The following AHDC1 variants were observed in gnomAD, a reference collection of about 807,000 sequenced individuals.
The protein encoded by AHDC1 is transcription factor Gibbin.
A neutral mutation model predicts 87.9 loss-of-function variants in AHDC1; 7 were observed. That is an observed-to-expected ratio of 0.08 (90% CI 0.05 to 0.15). The LOEUF (loss-of-function observed/expected upper bound fraction) is 0.15, where lower values mean the gene tolerates loss of function less well. Ranked by LOEUF, AHDC1 falls within the 10% of genes least tolerant of loss-of-function variation. AHDC1 has a pLI of 1.00. For missense variants in AHDC1, 1,841 were observed against 2,253.2 expected, an observed-to-expected ratio of 0.82 and a Z score of 3.70; for synonymous variants, 1,051 against 1,006.8, an observed-to-expected ratio of 1.04 and a Z score of -0.83.
chr1:27,534,248 G>GTTTTTTTTTTTTGTTTTTTTTTTT lies in AHDC1; in HGVS notation c.*711_*712insAAAAAAAAAAACAAAAAAAAAAAA, dbSNP rs1203744221. 8.8e-6 allele frequency: 1 copy of GTTTTTTTTTTTTGTTTTTTTTTTT among 113,664 alleles called. No individual in the cohort carries two copies. The highest frequency in any genetic ancestry group is 1.9e-5 in the Non-Finnish European group (1 of 52,598). 7.0% of individuals were successfully genotyped at this position (113,664 alleles called of 1,614,324 possible). ...CCCCCTTTCACAAGACACAAGGTTGGTTTTTTTTTTTTGTTTTTTTTTTGT... is the reference window on the plus strand; with the variant it reads ...CCCCCTTTCACAAGACACAAGGTTGGTTTTTTTTTTTTGTTTTTTTTTTTTTTTTTTTTTTTGTTTTTTTTTTGT... On this transcript the variant is annotated 3_prime_UTR_variant, in exon 9 of 9. Coordinates refer to ENST00000673934, the MANE Select transcript of AHDC1 (RefSeq NM_001371928.1).
chr1:27,569,348 T>C (rs2020469293), intron 3 of AHDC1, among the ~76,000 whole-genome samples: 1 of 152,146 alleles, frequency 6.6e-6, no homozygotes, highest in Admixed American at 6.5e-5. Context: ...CTATTAGTCT[T>C]ATTTTGTAGA....
At position 27,565,024 on chromosome 1, in the gene AHDC1, G is replaced by A. The variant is rs922683813; in HGVS notation, c.-628-6141C>T. 6.6e-6 allele frequency among the ~76,000 whole-genome samples: 1 copy of A among 152,216 alleles called. No homozygotes were observed. The highest frequency in any genetic ancestry group is 2.4e-5 in the African/African-American group (1 of 41,472). On this transcript the variant is annotated intron_variant, in intron 3 of 8. Transcript: ENST00000673934. The surrounding 1 kb of genome is among the most constrained non-coding windows in gnomAD (Gnocchi z 4.6). The stretch of plus-strand genomic sequence containing the variant: ...AGCAGAGTCCCCCTAGCCCCTGGGG[G>A]TGGCTGGAGCTGGGGGGCCCTGGGG...
At chr1:27,541,510 G>C (rs958234652) in intron 8 of AHDC1, among the ~76,000 whole-genome samples, 1 of 151,856 alleles carries the variant, frequency 6.6e-6, no homozygotes, top group Non-Finnish European at 1.5e-5. Flanking sequence ...GTAGAGACAG[G>C]GTTTCACCAT....
intron 3 of AHDC1, among the ~76,000 whole-genome samples, chr1:27,571,526 C>G (rs1168121559): frequency 6.6e-6 from 1 of 152,086 alleles, no homozygotes; most frequent in Non-Finnish European, 1.5e-5. Context: ...GCCCTCCCCC[C>G]AGGCTCTGGA....
In AHDC1 at chr1:27,598,696, T is replaced by A. The variant is rs781521490; in HGVS notation, c.-629+4701A>T. On this transcript the variant is annotated intron_variant, in intron 3 of 8. Transcript: ENST00000673934. The surrounding 1 kb of genome is among the most constrained non-coding windows in gnomAD (Gnocchi z 4.2). ...CACACCAGTGTCACCCCCACAACAG[T>A]GGAGGCTGGTTTTGGCCATGTAGTG... Among the ~76,000 whole-genome samples, 5 of 152,138 alleles carry A rather than the reference T, an allele frequency of 3.3e-5. No individual in the cohort carries two copies. Among genetic ancestry groups the A allele is most frequent in the Admixed American group, 6.5e-5 (1 of 15,288 alleles).
At chr1:27,585,118 G>A (rs971939585) in intron 3 of AHDC1, among the ~76,000 whole-genome samples, 1 of 151,710 alleles carries the variant, frequency 6.6e-6, no homozygotes, top group African/African-American at 2.4e-5. Context: ...AAAAAATTAG[G>A]CAGGTGTGGT....
chr1:27,548,375 C>A lies in AHDC1; in HGVS notation c.3741G>T (p.Leu1247=). The A allele has an allele frequency of 6.2e-7, 1 of 1,607,388 alleles. No homozygotes were observed. Among genetic ancestry groups the A allele is most frequent in the South Asian group, 1.1e-5 (1 of 90,924 alleles). Residue 1247 remains leucine (L), a synonymous_variant, in exon 8 of 9, where the codon CTG becomes CTT. Coordinates refer to ENST00000673934, the MANE Select transcript of AHDC1 (RefSeq NM_001371928.1). ...CGGCAGAGGCGGATGTCGGGAAGCC[C>A]AGATGTGAGGCCTCGAACAGGTCCA... ...KKVDLFEASH[L]GFPTSASAAA...
chr1:27,572,246 C>T (rs1011315056), intron 3 of AHDC1, among the ~76,000 whole-genome samples: 1 of 152,058 alleles, frequency 6.6e-6, no homozygotes, highest in Non-Finnish European at 1.5e-5. Flanking sequence ...ACTTAGGCAC[C>T]GTGGTAAAAT....
chr1:27,581,338 AT>A (rs2088902406), intron 3 of AHDC1, among the ~76,000 whole-genome samples: 1 of 147,428 alleles, frequency 6.8e-6, no homozygotes, highest in African/African-American at 2.7e-5. Flanking sequence ...TTAAAAAAAT[AT>A]ATTTTTAAAA....
intron 8 of AHDC1, among the ~76,000 whole-genome samples, chr1:27,535,933 T>C (rs2148182256): frequency 6.6e-6 from 1 of 152,080 alleles, no homozygotes; most frequent in East Asian, 1.9e-4. Context: ...CGGGACTTCC[T>C]AAGAGCTCCA....
intron 3 of AHDC1, among the ~76,000 whole-genome samples, chr1:27,572,061 C>G (rs2088540881): frequency 6.6e-6 from 1 of 152,022 alleles, no homozygotes; most frequent in African/African-American, 2.4e-5. Flanking sequence ...GGCCTTCAGC[C>G]CCCCAACTCA....
At chr1:27,571,774 A>G (rs1464779069) in intron 3 of AHDC1, among the ~76,000 whole-genome samples, 3 of 151,874 alleles carry the variant, frequency 2.0e-5, no homozygotes, top group African/African-American at 7.3e-5. Context: ...CTGGCAGAAA[A>G]CAAACCCGCC....
intron 3 of AHDC1, among the ~76,000 whole-genome samples, chr1:27,559,245 A>G (rs2019960415): frequency 6.6e-6 from 1 of 151,608 alleles, no homozygotes; most frequent in South Asian, 2.1e-4. Context: ...TTGTAGGGAC[A>G]GGGTCTCACC....
chr1:27,583,474 GAA>G lies in AHDC1; in HGVS notation c.-629+19921_-629+19922del, dbSNP rs574797530. Among the ~76,000 whole-genome samples, 11 of 152,282 alleles carry G rather than the reference GAA, an allele frequency of 7.2e-5. No homozygotes were observed. In the South Asian group the frequency reaches 1.7e-3, roughly 23 times the overall value. ...CTCATGTCTTGTTGTTTATTGCTGA[GAA>G]AACCCACTCGGGGAGTGTATGTTGA... On this transcript the variant is annotated intron_variant, in intron 3 of 8. Coordinates refer to ENST00000673934, the MANE Select transcript of AHDC1 (RefSeq NM_001371928.1).
chr1:27,567,839 T>C (rs973592950), intron 3 of AHDC1, among the ~76,000 whole-genome samples: 3 of 152,110 alleles, frequency 2.0e-5, no homozygotes, highest in Admixed American at 1.3e-4. Flanking sequence ...GATTTGTGGA[T>C]TGCAGAGGAA....
intron 3 of AHDC1, among the ~76,000 whole-genome samples, chr1:27,603,165 C>T (rs1312671211): frequency 1.3e-5 from 2 of 149,230 alleles, no homozygotes; most frequent in Non-Finnish European, 1.5e-5. Flanking sequence ...CGCCCCCCCT[C>T]CCCGTCCACC....
intron 3 of AHDC1, among the ~76,000 whole-genome samples, chr1:27,574,872 C>A (rs193181200): frequency 6.6e-6 from 1 of 152,182 alleles, no homozygotes; most frequent in Non-Finnish European, 1.5e-5. Context: ...ATTCTCAGGG[C>A]TCTTGTAAAA....
chr1:27,549,469 G>A lies in AHDC1; in HGVS notation c.2647C>T (p.Arg883Trp), dbSNP rs1025425807. 4 of 1,612,804 alleles carry A rather than the reference G, an allele frequency of 2.5e-6. No homozygotes were observed. The highest frequency in any genetic ancestry group is 1.1e-5 in the South Asian group (1 of 91,076). Residue 883 changes from arginine to tryptophan, a missense_variant, in exon 8 of 9, where the codon CGG becomes TGG. Arg to Trp is a moderately radical substitution (Grantham distance 101). Transcript: ENST00000673934. ...GPPTSALPAQ[R>W]GLATFPSRGA... Reference sequence around the variant, plus strand: ...CGGCTAGGGAAGGTGGCCAGGCCCCGCTGGGCAGGCAGGGCACTGGTGGGT... The same window carrying A: ...CGGCTAGGGAAGGTGGCCAGGCCCCACTGGGCAGGCAGGGCACTGGTGGGT...
At chr1:27,541,001 T>TAAAAAAGA (rs2018880216) in intron 8 of AHDC1, among the ~76,000 whole-genome samples, 1 of 72,368 alleles carries the variant, frequency 1.4e-5, no homozygotes, top group Non-Finnish European at 2.4e-5. Flanking sequence ...CTAAAAATGC[T>TAAAAAAGA]AAAAAAAAAA....
Sources: gnomAD v4.1 joint callset for allele counts (sites outside exome capture counted in the v4.1 genomes callset) on GRCh38, gnomAD v4.1.1 for gene constraint, Gnocchi (gnomAD v3.1) non-coding constraint, MANE v1.5 for transcripts, NCBI Gene and HGNC (gene_info 2026-07-23, HGNC 2026-07-21) for gene names.